Variants in CHRM3 observed in about 807,000 individuals in gnomAD.
CHRM3 encodes cholinergic receptor muscarinic 3, also known as muscarinic acetylcholine receptor M3.
A neutral mutation model predicts 41.8 loss-of-function variants in CHRM3; 11 were observed. The ratio of observed to expected loss-of-function variants is 0.26; its 90% CI spans 0.17 to 0.44. The LOEUF is 0.44. Among genes scored for constraint, CHRM3 ranks in the 20% least tolerant of loss-of-function variants. The pLI is 1.00. For synonymous variants in CHRM3, 297 were observed against 301.4 expected (o/e 0.99, Z 0.15); for missense variants, 571 against 745.4 (o/e 0.77, Z 2.72).
chr1:239,892,112 A>T (rs1394361740), intron 6 of CHRM3, among the ~76,000 whole-genome samples: 1 of 152,176 alleles, frequency 6.6e-6, no homozygotes, highest in East Asian at 1.9e-4. Context: ...TAGAATAAGG[A>T]TTCACACTGT....
At chr1:239,587,622 TTAA>T (rs1432894490) in intron 3 of CHRM3, among the ~76,000 whole-genome samples, 2 of 152,180 alleles carry the variant, frequency 1.3e-5, no homozygotes, top group East Asian at 1.9e-4. Flanking sequence ...CGGTAGACAC[TTAA>T]TAATCTTTAT....
chr1:239,749,298 A>G lies in CHRM3; in HGVS notation c.-147+71010A>G, dbSNP rs541466854. 4.5e-4 allele frequency among the ~76,000 whole-genome samples: 69 copies of G among 152,242 alleles called. 1 individual carries two copies. The South Asian group carries it at 8.9e-3, about 20-fold the overall frequency. ...TCGGGCCACTATGCTTGGGTATAAT[A>G]TTTCAGATAAGCCCTACGGTGGGAG... On this transcript the variant is annotated intron_variant, in intron 5 of 6. Coordinates refer to ENST00000676153, the MANE Select transcript of CHRM3 (RefSeq NM_001375978.1).
intron 6 of CHRM3, among the ~76,000 whole-genome samples, chr1:239,881,855 T>C (rs919319775): frequency 6.6e-6 from 1 of 152,210 alleles, no homozygotes; most frequent in East Asian, 1.9e-4. Context: ...TTTAGATATA[T>C]AGAGTTCTAC....
At chr1:239,418,719 C>G (rs1235768039) in intron 1 of CHRM3, among the ~76,000 whole-genome samples, 1 of 152,160 alleles carries the variant, frequency 6.6e-6, no homozygotes. Flanking sequence ...TCTTTGCCCT[C>G]AAAGTGTTTC....
intron 1 of CHRM3, among the ~76,000 whole-genome samples, chr1:239,405,014 A>G (rs1357320035): frequency 2.0e-5 from 3 of 152,028 alleles, no homozygotes; most frequent in African/African-American, 7.2e-5. Flanking sequence ...ACTGCTGTCT[A>G]AGTGCAAAAT....
At chr1:239,654,600 T>C (rs1446872370) in intron 4 of CHRM3, among the ~76,000 whole-genome samples, 1 of 152,138 alleles carries the variant, frequency 6.6e-6, no homozygotes, top group Non-Finnish European at 1.5e-5. Flanking sequence ...GGTTTTACCA[T>C]GTGGGCCGGG....
intron 3 of CHRM3, among the ~76,000 whole-genome samples, chr1:239,602,800 G>A (rs1356459945): frequency 6.6e-6 from 1 of 152,064 alleles, no homozygotes; most frequent in East Asian, 1.9e-4. Flanking sequence ...GGTAAAAACA[G>A]ATAACATAAT....
At chr1:239,865,595 G>A (rs74149258) in intron 6 of CHRM3, among the ~76,000 whole-genome samples, 6,247 of 152,216 alleles carry the variant, frequency 0.041, 437 homozygotes, top group African/African-American at 0.14. Flanking sequence ...GAACACCAGA[G>A]CACATGGCAG....
rs67460907 is a variant in CHRM3, at chr1:239,793,803, A to ATTTTTTTTT, written c.-146-33432_-146-33424dup. Among the ~76,000 whole-genome samples the ATTTTTTTTT allele has an allele frequency of 2.6e-3, 183 of 69,492 alleles. 19 individuals are homozygous for ATTTTTTTTT. Among genetic ancestry groups the ATTTTTTTTT allele is most frequent in the East Asian group, 6.3e-3 (14 of 2,230 alleles). The allele number at this position is 69,492 out of a possible 152,430, so 45.6% of individuals were successfully genotyped here. On this transcript the variant is annotated intron_variant, in intron 5 of 6. Coordinates refer to ENST00000676153, the MANE Select transcript of CHRM3 (RefSeq NM_001375978.1). ...TGAACTTGTCAGAAATGAAATGTGTATTTTTTTTTTTTTTTTTTTTTTTTT... is the reference window on the plus strand; with the variant it reads ...TGAACTTGTCAGAAATGAAATGTGTATTTTTTTTTTTTTTTTTTTTTTTTTTTTTTTTTT...
chr1:239,834,302 C>T (rs1160892563), intron 6 of CHRM3, among the ~76,000 whole-genome samples: 3 of 145,378 alleles, frequency 2.1e-5, no homozygotes, highest in Non-Finnish European at 4.5e-5. Flanking sequence ...TTCTTCTCAA[C>T]TTAATGCCTT....
At chr1:239,858,521 GAA>G (rs35735156) in intron 6 of CHRM3, among the ~76,000 whole-genome samples, 1 of 143,704 alleles carries the variant, frequency 7.0e-6, no homozygotes. Flanking sequence ...TTTTCATTTG[GAA>G]AAAAAAAAAA....
At chr1:239,482,851 A>G (rs1160085356) in intron 1 of CHRM3, among the ~76,000 whole-genome samples, 1 of 152,252 alleles carries the variant, frequency 6.6e-6, no homozygotes, top group Non-Finnish European at 1.5e-5. Context: ...ATAAGAATTT[A>G]TGGTATTTCA....
At position 239,753,836 on chromosome 1, in the gene CHRM3, G is replaced by T. The variant is rs147880305; in HGVS notation, c.-146-73416G>T. On this transcript the variant is annotated intron_variant, in intron 5 of 6. Coordinates refer to ENST00000676153, the MANE Select transcript of CHRM3 (RefSeq NM_001375978.1). Reference sequence around the variant, plus strand: ...AGACAACAGTGGATATTTCCTAAGAGAATTTTTTAAAGATATTTTTCTACA... The same window carrying T: ...AGACAACAGTGGATATTTCCTAAGATAATTTTTTAAAGATATTTTTCTACA... Among the ~76,000 whole-genome samples the T allele has an allele frequency of 3.7e-3, 559 of 152,246 alleles. 6 individuals are homozygous for T. The highest frequency in any genetic ancestry group is 0.012 in the African/African-American group (513 of 41,560).
chr1:239,761,042 C>T (rs965532193), intron 5 of CHRM3, among the ~76,000 whole-genome samples: 8 of 152,010 alleles, frequency 5.3e-5, no homozygotes, highest in South Asian at 2.1e-4. Context: ...GATATTGTCC[C>T]ACTGCTCACT....
chr1:239,765,620 CA>C (rs137960884), intron 5 of CHRM3, among the ~76,000 whole-genome samples: 2 of 151,990 alleles, frequency 1.3e-5, no homozygotes, highest in Admixed American at 6.5e-5. Context: ...TCCTTACACA[CA>C]AAAAATGGCT....
intron 3 of CHRM3, among the ~76,000 whole-genome samples, chr1:239,570,013 G>GCAA (rs1168947939): frequency 5.9e-5 from 9 of 152,048 alleles, no homozygotes; most frequent in Admixed American, 1.3e-4. Flanking sequence ...TTAAAAAACA[G>GCAA]CAACAACAAC....
intron 1 of CHRM3, among the ~76,000 whole-genome samples, chr1:239,389,318 A>G (rs921958460): frequency 6.6e-6 from 1 of 152,220 alleles, no homozygotes; most frequent in Admixed American, 6.5e-5. Context: ...TTTAAAATTT[A>G]GAGAAATCTA....
At chr1:239,497,631 C>T (rs1226094062) in intron 2 of CHRM3, among the ~76,000 whole-genome samples, 1 of 152,196 alleles carries the variant, frequency 6.6e-6, no homozygotes, top group Non-Finnish European at 1.5e-5. Flanking sequence ...TTCCTGCCTC[C>T]TCTCTATTTC....
chr1:239,666,651 C>T (rs1673834309), intron 4 of CHRM3, among the ~76,000 whole-genome samples: 3 of 152,090 alleles, frequency 2.0e-5, no homozygotes, highest in Non-Finnish European at 4.4e-5. Context: ...CTGCCCCTCC[C>T]ATTAGACACT....
Sources: allele counts gnomAD v4.1 joint callset (sites outside exome capture counted in the v4.1 genomes callset), GRCh38; gene constraint gnomAD v4.1.1; transcripts MANE v1.5; gene names NCBI Gene and HGNC (gene_info 2026-07-23, HGNC 2026-07-21).